The following NLRP12 variants were observed in gnomAD, a reference collection of about 807,000 sequenced individuals.
NLRP12 encodes NLR family pyrin domain containing 12.
A neutral mutation model predicts 91.2 loss-of-function variants in NLRP12; 108 were observed. The observed-to-expected ratio is 1.18, with a 90% CI of 1.01 to 1.39. NLRP12 has a LOEUF of 1.39. Among genes scored for constraint, NLRP12 ranks in the 40% most tolerant of loss-of-function variants. The pLI is 0.00. For missense variants in NLRP12, 1,530 were observed against 1,352.7 expected (o/e 1.13, Z -2.06); for synonymous variants, 613 against 566.7 (o/e 1.08, Z -1.16).
At chr19:53,797,741 AT>A (rs544319440) in intron 8 of NLRP12, among the ~76,000 whole-genome samples, 244 of 139,296 alleles carry the variant, frequency 1.8e-3, no homozygotes, top group African/African-American at 3.2e-3. Flanking sequence ...TTAAATTTTA[AT>A]TTTTTTTTTT....
intron 1 of NLRP12, among the ~76,000 whole-genome samples, chr19:53,818,622 A>G (rs1359463279): frequency 6.6e-6 from 1 of 151,930 alleles, no homozygotes; most frequent in Non-Finnish European, 1.5e-5. Flanking sequence ...CCGAGAACGC[A>G]CCACTGCACT....
At chr19:53,821,491 A>G (rs1415879173) in intron 1 of NLRP12, among the ~76,000 whole-genome samples, 1 of 150,594 alleles carries the variant, frequency 6.6e-6, no homozygotes, top group Non-Finnish European at 1.5e-5. Flanking sequence ...ACATAGGGAA[A>G]CCCCGTCTCT....
In NLRP12 at chr19:53,801,150, T is replaced by A. The variant is rs188575723; in HGVS notation, c.2756+77A>T. On this transcript the variant is annotated intron_variant, in intron 7 of 9. Coordinates refer to ENST00000324134, the MANE Select transcript of NLRP12 (RefSeq NM_144687.4). Reference sequence around the variant, plus strand: ...CTAGAGTTTAGGAGCAGAGACAACCTGGCCTCCGTGGTCCCAGGTGAGAGG... The same window carrying A: ...CTAGAGTTTAGGAGCAGAGACAACCAGGCCTCCGTGGTCCCAGGTGAGAGG... The A allele has an allele frequency of 5.7e-4, 768 of 1,342,480 alleles. 5 individuals are homozygous for A. The African/African-American group carries it at 9.9e-3, about 17-fold the overall frequency. The allele number at this position is 1,342,480 out of a possible 1,614,324, so 83.2% of individuals were successfully genotyped here.
intron 9 of NLRP12, among the ~76,000 whole-genome samples, chr19:53,795,114 G>C (rs868848656): frequency 8.4e-4 from 125 of 149,248 alleles, no homozygotes; most frequent in African/African-American, 2.5e-3. Context: ...GTGCGTGTGT[G>C]TGTGTGTGTG....
In NLRP12 at chr19:53,809,925, ACT is replaced by A. The variant is rs1568677542; in HGVS notation, c.1732_1733del (p.Cys580LeufsTer123). ...TGTGCGGCGAGACCTTCCAGCAGAG[ACT>A]CTTCTCCAGGTGGCTCCTGGTCTCC... is the stretch of plus-strand genomic sequence containing the variant. ...NEETRSHLEKSLCWKVSPHIK... is the reference protein window; with the variant it reads ...NEETRSHLEKXLCWKVSPHIK... On this transcript the variant is annotated frameshift_variant, in exon 3 of 10. Coordinates refer to ENST00000324134, the MANE Select transcript of NLRP12 (RefSeq NM_144687.4). LOFTEE classifies it high-confidence loss of function. 6 of 1,613,834 alleles carry A rather than the reference ACT, an allele frequency of 3.7e-6. No individual in the cohort carries two copies. Among genetic ancestry groups the A allele is most frequent in the South Asian group, 3.3e-5 (3 of 91,062 alleles).
intron 9 of NLRP12, 69 bp downstream of exon 9, chr19:53,795,790 C>T (rs1293589064): frequency 6.9e-7 from 1 of 1,442,358 alleles, no homozygotes; most frequent in Non-Finnish European, 9.7e-7. Context: ...GTCCATCCAG[C>T]TTATCTACCC....
Position 53,807,476 on chromosome 19 carries a change from C to A in NLRP12, c.2243+19G>T. 6.2e-7 allele frequency: 1 copy of A among 1,611,390 alleles called. No homozygotes were observed. Among genetic ancestry groups the A allele is most frequent in the Non-Finnish European group, 8.5e-7 (1 of 1,178,710 alleles). On this transcript the variant is annotated intron_variant, in intron 4 of 9. Coordinates refer to ENST00000324134, the MANE Select transcript of NLRP12 (RefSeq NM_144687.4). ...CACGGTGGGGACCACCTGAAACGCC[C>A]AGACCAGCCTGCACTCACCTCAGGT...
intron 7 of NLRP12, among the ~76,000 whole-genome samples, chr19:53,800,142 A>C (rs1341412022): frequency 1.3e-5 from 2 of 152,010 alleles, no homozygotes; most frequent in African/African-American, 4.8e-5. Context: ...CTACTAAAAA[A>C]ATGTTTTTAA....
chr19:53,799,836 T>C (rs1385226353), intron 7 of NLRP12, among the ~76,000 whole-genome samples: 1 of 151,988 alleles, frequency 6.6e-6, no homozygotes, highest in East Asian at 1.9e-4. Context: ...CATAGGATCA[T>C]AAATCTAGGA....
chr19:53,800,161 C>T (rs569089468), intron 7 of NLRP12, among the ~76,000 whole-genome samples: 168 of 152,118 alleles, frequency 1.1e-3, no homozygotes, highest in African/African-American at 3.8e-3. Context: ...AAAAATTAGC[C>T]GGGCATGGTG....
intron 1 of NLRP12, among the ~76,000 whole-genome samples, chr19:53,817,776 G>A (rs2092184670): frequency 6.6e-6 from 1 of 151,858 alleles, no homozygotes; most frequent in Non-Finnish European, 1.5e-5. Context: ...CATGTTTTGT[G>A]TATTTTAGCA....
intron 1 of NLRP12, among the ~76,000 whole-genome samples, chr19:53,816,052 A>G (rs1209864864): frequency 6.6e-6 from 1 of 151,162 alleles, no homozygotes; most frequent in African/African-American, 2.4e-5. Flanking sequence ...AAATAGTGGT[A>G]TGGGCCATCG....
intron 7 of NLRP12, among the ~76,000 whole-genome samples, chr19:53,799,170 G>A (rs760226253): frequency 5.9e-5 from 9 of 151,350 alleles, no homozygotes; most frequent in East Asian, 2.0e-4. Context: ...ACACCACCAC[G>A]CCCAGCTAAT....
chr19:53,796,734 C>T lies in NLRP12; in HGVS notation c.2928-705G>A, dbSNP rs548165452. Among the ~76,000 whole-genome samples the T allele has an allele frequency of 3.8e-4, 57 of 151,822 alleles. No individual in the cohort carries two copies. In the East Asian group the frequency reaches 1.0e-2, roughly 27 times the overall value. On this transcript the variant is annotated intron_variant, in intron 8 of 9. Coordinates refer to ENST00000324134, the MANE Select transcript of NLRP12 (RefSeq NM_144687.4). ...GGGTTAGGCCGGGCGTGGTGGCTCA[C>T]GCCTGTAATTCCAGCACTTTGGGAG...
intron 1 of NLRP12, among the ~76,000 whole-genome samples, chr19:53,821,871 C>T (rs1395942725): frequency 6.6e-6 from 1 of 152,084 alleles, no homozygotes; most frequent in Non-Finnish European, 1.5e-5. Flanking sequence ...CCAGGCAGAA[C>T]ACAGCATGAA....
chr19:53,797,711 C>T (rs2091791812), intron 8 of NLRP12, among the ~76,000 whole-genome samples: 2 of 151,708 alleles, frequency 1.3e-5, no homozygotes, highest in East Asian at 3.9e-4. Context: ...AGCTACCGTG[C>T]CCAGCCTCTT....
rs373954247 is a variant in NLRP12 at position 53,805,310 on chromosome 19, C to T, written c.2384G>A (p.Arg795Gln). ...CATCTGCAGCCTGCACTGGGGATGC[C>T]GCAGGCCCTCGCAAAGCAGCATCAT... is the stretch of plus-strand genomic sequence containing the variant. ...PGMMLLCEGLRHPQCRLQMIQ... is the reference protein window; with the variant it reads ...PGMMLLCEGLQHPQCRLQMIQ... The change falls in exon 5 of 10, where the codon CGG (arginine) becomes CAG (glutamine). Residue 795 changes from arginine (R) to glutamine (Q), a missense_variant. Transcript: ENST00000324134. The T allele has an allele frequency of 9.2e-5, 148 of 1,614,012 alleles. No homozygotes were observed. The African/African-American group carries it at 1.3e-3, about 14-fold the overall frequency.
intron 6 of NLRP12, among the ~76,000 whole-genome samples, chr19:53,801,643 G>C (rs1232815034): frequency 6.6e-6 from 1 of 151,504 alleles, no homozygotes; most frequent in Non-Finnish European, 1.5e-5. Context: ...AGTAGAGACA[G>C]GGTTTCTCGC....
intron 9 of NLRP12, among the ~76,000 whole-genome samples, chr19:53,795,181 T>C (rs1369033754): frequency 6.6e-6 from 1 of 151,526 alleles, no homozygotes; most frequent in African/African-American, 2.4e-5. Flanking sequence ...AGTACTGGGA[T>C]TACAGGCGCC....
Sources: allele counts gnomAD v4.1 joint callset (sites outside exome capture counted in the v4.1 genomes callset), GRCh38; gene constraint gnomAD v4.1.1; transcripts MANE v1.5; gene names NCBI Gene and HGNC (gene_info 2026-07-23, HGNC 2026-07-21).